The following TRIM44 variants were observed in gnomAD, a reference collection of about 807,000 sequenced individuals.
The protein encoded by TRIM44 is tripartite motif containing 44.
A neutral mutation model predicts 37.4 loss-of-function variants in TRIM44; 13 were observed. That is an observed-to-expected ratio of 0.35 (90% CI 0.23 to 0.55). The LOEUF (loss-of-function observed/expected upper bound fraction) is 0.55. Ranked by LOEUF, TRIM44 falls within the 20% of genes least tolerant of loss-of-function variation. The pLI is 0.89. For synonymous variants in TRIM44, 175 were observed against 157.2 expected (o/e 1.11, Z -0.85); for missense variants, 426 against 437.2 (o/e 0.97, Z 0.23).
intron 4 of TRIM44, among the ~76,000 whole-genome samples, chr11:35,769,254 A>T (rs1020457972): frequency 3.9e-5 from 6 of 152,182 alleles, no homozygotes; most frequent in African/African-American, 1.4e-4. Flanking sequence ...TCCGTCTGTG[A>T]TCACTCACAT....
chr11:35,773,886 G>A (rs968110180), intron 4 of TRIM44, among the ~76,000 whole-genome samples: 1 of 152,142 alleles, frequency 6.6e-6, no homozygotes, highest in Non-Finnish European at 1.5e-5. Flanking sequence ...GGACATTTGG[G>A]TTGGTTCCAA....
intron 2 of TRIM44, among the ~76,000 whole-genome samples, chr11:35,723,038 T>C (rs1334270329): frequency 1.3e-5 from 2 of 151,958 alleles, no homozygotes; most frequent in African/African-American, 4.8e-5. Context: ...TGTCTCTCTC[T>C]ACCTCCCTCC....
intron 4 of TRIM44, among the ~76,000 whole-genome samples, chr11:35,742,008 G>A (rs544009477): frequency 3.3e-5 from 5 of 152,034 alleles, no homozygotes; most frequent in South Asian, 2.1e-4. Context: ...ACAGCTCACC[G>A]CAGCCTCAAC....
chr11:35,736,542 T>G (rs1418509908), intron 4 of TRIM44, among the ~76,000 whole-genome samples: 1 of 152,216 alleles, frequency 6.6e-6, no homozygotes, highest in Non-Finnish European at 1.5e-5. Flanking sequence ...AAAAACAGTT[T>G]CCTCTCTTTT....
intron 2 of TRIM44, among the ~76,000 whole-genome samples, chr11:35,716,274 G>A (rs138712842): frequency 6.6e-6 from 1 of 152,240 alleles, no homozygotes; most frequent in Non-Finnish European, 1.5e-5. Context: ...AGAACAAGTT[G>A]GAGTTAGAAG....
chr11:35,746,446 C>CTTTTTTTTTTTTTTTT (rs5791065), intron 4 of TRIM44, among the ~76,000 whole-genome samples: 3 of 93,198 alleles, frequency 3.2e-5, no homozygotes, highest in Admixed American at 1.3e-4. Context: ...GGGGGTCCTT[C>CTTTTTTTTTTTTTTTT]TTTTTTTTTT....
intron 4 of TRIM44, among the ~76,000 whole-genome samples, chr11:35,774,978 A>T (rs1162337830): frequency 6.6e-6 from 1 of 152,180 alleles, no homozygotes; most frequent in Non-Finnish European, 1.5e-5. Context: ...TATGAACTTT[A>T]AAGTAGTTTT....
chr11:35,751,499 T>G (rs1454299461), intron 4 of TRIM44, among the ~76,000 whole-genome samples: 1 of 152,194 alleles, frequency 6.6e-6, no homozygotes, highest in Non-Finnish European at 1.5e-5. Flanking sequence ...GACCAGGATA[T>G]CAGGCTTTCA....
At chr11:35,754,356 CCTG>C (rs902527903) in intron 4 of TRIM44, among the ~76,000 whole-genome samples, 20 of 152,140 alleles carry the variant, frequency 1.3e-4, no homozygotes, top group Non-Finnish European at 2.8e-4. Flanking sequence ...GTCCATGCTG[CCTG>C]CTGCTCACTC....
At chr11:35,765,046 T>A (rs577743177) in intron 4 of TRIM44, among the ~76,000 whole-genome samples, 1 of 152,312 alleles carries the variant, frequency 6.6e-6, no homozygotes, top group African/African-American at 2.4e-5. Context: ...AGACTTTTTT[T>A]TGTTGTTTGT....
At chr11:35,699,540 C>T (rs928674437) in intron 2 of TRIM44, among the ~76,000 whole-genome samples, 32 of 151,956 alleles carry the variant, frequency 2.1e-4, no homozygotes, top group Non-Finnish European at 4.4e-4. Flanking sequence ...TGAAAACTGG[C>T]ACAAGACAGG....
intron 2 of TRIM44, among the ~76,000 whole-genome samples, chr11:35,708,917 T>A (rs1349085611): frequency 2.0e-5 from 3 of 149,472 alleles, no homozygotes; most frequent in African/African-American, 7.4e-5. Context: ...ATAATAATAA[T>A]AAAAAATAAA....
At chr11:35,770,777 G>A (rs1852858049) in intron 4 of TRIM44, among the ~76,000 whole-genome samples, 1 of 152,088 alleles carries the variant, frequency 6.6e-6, no homozygotes, top group South Asian at 2.1e-4. Context: ...GACCCAGTGG[G>A]AGATAATTTG....
chr11:35,719,907 A>G (rs1216819688), intron 2 of TRIM44, among the ~76,000 whole-genome samples: 2 of 151,912 alleles, frequency 1.3e-5, no homozygotes, highest in African/African-American at 2.4e-5. Flanking sequence ...TGATCTGTCT[A>G]CTCTTTTGCT....
intron 1 of TRIM44, among the ~76,000 whole-genome samples, chr11:35,674,637 T>C (rs1224139404): frequency 2.6e-5 from 4 of 152,196 alleles, no homozygotes; most frequent in African/African-American, 7.2e-5. Flanking sequence ...CTATAACATA[T>C]AGCTGGCTTT....
intron 1 of TRIM44, among the ~76,000 whole-genome samples, chr11:35,667,175 T>C (rs941445743): frequency 6.6e-6 from 1 of 152,238 alleles, no homozygotes; most frequent in African/African-American, 2.4e-5. Context: ...TTTTCTGAAT[T>C]TTGATTGGTT....
chr11:35,686,086 T>C (rs1851574252), intron 2 of TRIM44, among the ~76,000 whole-genome samples: 1 of 152,190 alleles, frequency 6.6e-6, no homozygotes, highest in African/African-American at 2.4e-5. Flanking sequence ...GAATACTTTT[T>C]TCCTCATGAC....
intron 1 of TRIM44, among the ~76,000 whole-genome samples, chr11:35,680,638 T>C (rs764270025): frequency 2.6e-5 from 4 of 152,196 alleles, no homozygotes; most frequent in Non-Finnish European, 4.4e-5. Flanking sequence ...TAAATACTTT[T>C]GTACATGCAT....
intron 4 of TRIM44, among the ~76,000 whole-genome samples, chr11:35,784,228 A>G (rs1853100125): frequency 6.6e-6 from 1 of 152,220 alleles, no homozygotes; most frequent in Admixed American, 6.5e-5. Context: ...TGCTCCAGAC[A>G]TTCAGCCTGT....
Sources: gnomAD v4.1 joint callset for allele counts (sites outside exome capture counted in the v4.1 genomes callset) on GRCh38, gnomAD v4.1.1 for gene constraint, MANE v1.5 for transcripts, NCBI Gene and HGNC (gene_info 2026-07-23, HGNC 2026-07-21) for gene names.